EHMT2: variants seen among roughly 807,000 people sequenced by gnomAD.
EHMT2 encodes the protein euchromatic histone lysine methyltransferase 2.
In EHMT2, 59 loss-of-function variants were observed where a neutral mutation model predicts 143.3. The observed-to-expected ratio is 0.41, with a 90% CI of 0.33 to 0.51. The LOEUF is 0.51. EHMT2 is among the 20% of genes least tolerant of loss of function. The pLI is 0.18. For synonymous variants in EHMT2, 604 were observed against 651.5 expected, an observed-to-expected ratio of 0.93 and a Z score of 1.11; for missense variants, 1,174 against 1,645.9, an observed-to-expected ratio of 0.71 and a Z score of 4.96.
At position 31,897,625 on chromosome 6, in the gene EHMT2, C is replaced by A; in HGVS notation, c.42+11G>T. On this transcript the variant is annotated intron_variant, in intron 1 of 27. Transcript: ENST00000375537. ...GGGCATGCACCCGCCTCTCCCCCTCCCCTTCCGCACCTCGGCGGCCGCCGC... is the reference window on the plus strand; with the variant it reads ...GGGCATGCACCCGCCTCTCCCCCTCACCTTCCGCACCTCGGCGGCCGCCGC... 1.7e-6 allele frequency: 2 copies of A among 1,151,084 alleles called. No individual in the cohort carries two copies. Among genetic ancestry groups the A allele is most frequent in the Non-Finnish European group, 2.1e-6 (2 of 936,142 alleles). 71.3% of individuals were successfully genotyped at this position (1,151,084 alleles called of 1,614,324 possible).
Position 31,887,117 on chromosome 6 carries a change from G to A in EHMT2, c.2012-16C>T, listed in dbSNP as rs745548037. The A allele has an allele frequency of 8.8e-6, 14 of 1,582,904 alleles. No individual in the cohort carries two copies. Among genetic ancestry groups the A allele is most frequent in the South Asian group, 5.7e-5 (5 of 87,858 alleles). Reference sequence around the variant, plus strand: ...AGGTTGTCCACTGCGGGGAGAGCCCGCCACACCGGGAGAGGGAGGGACAAG... The same window carrying A: ...AGGTTGTCCACTGCGGGGAGAGCCCACCACACCGGGAGAGGGAGGGACAAG... On this transcript the variant is annotated splice_polypyrimidine_tract_variant and intron_variant, in intron 15 of 27. Transcript: ENST00000375537.
chr6:31,897,415 A>C (rs1581977742), intron 1 of EHMT2, among the ~76,000 whole-genome samples: 1 of 134,378 alleles, frequency 7.4e-6, no homozygotes. Flanking sequence ...CCCGTCGCCC[A>C]CTCAGGGGCA....
chr6:31,884,568 G>A lies in EHMT2; in HGVS notation c.2604-9C>T, dbSNP rs527962675. On this transcript the variant is annotated splice_polypyrimidine_tract_variant and intron_variant, in intron 20 of 27. Transcript: ENST00000375537. This position sits in a 1 kb window ranked among gnomAD's most constrained non-coding sequence, Gnocchi z 7.3. ...CACGTGACAGGAATAACCTGAAGAGGGGACAGGATGCCCAATGCAGGGTCT... is the reference window on the plus strand; with the variant it reads ...CACGTGACAGGAATAACCTGAAGAGAGGACAGGATGCCCAATGCAGGGTCT... The A allele has an allele frequency of 5.6e-6, 9 of 1,612,570 alleles. No individual in the cohort carries two copies. The South Asian group carries it at 6.6e-5, about 12-fold the overall frequency.
At chr6:31,897,318 C>A in intron 1 of EHMT2, 1 of 544,042 alleles carries the variant, frequency 1.8e-6, no homozygotes, top group Non-Finnish European at 2.8e-6. Context: ...GCGGGGACCC[C>A]GGGCACCAAC....
Position 31,888,283 on chromosome 6 carries a change from G to C in EHMT2, c.1510-7C>G, listed in dbSNP as rs749937246. 4 of 1,612,636 alleles carry C rather than the reference G, an allele frequency of 2.5e-6. No individual in the cohort carries two copies. The highest frequency in any genetic ancestry group is 3.4e-6 in the Non-Finnish European group (4 of 1,179,744). On this transcript the variant is annotated splice_region_variant and splice_polypyrimidine_tract_variant and intron_variant, in intron 12 of 27. Coordinates refer to ENST00000375537, the Ensembl canonical transcript of EHMT2. This position sits in a 1 kb window ranked among gnomAD's most constrained non-coding sequence, Gnocchi z 7.4. ...GGCACTCCAGGAAGGTGCCCTGGGAGCAGGGAAACGACATGGTCAGGTTAC... is the reference window on the plus strand; with the variant it reads ...GGCACTCCAGGAAGGTGCCCTGGGACCAGGGAAACGACATGGTCAGGTTAC...
chr6:31,894,333 G>A (rs1204892121), intron 4 of EHMT2, among the ~76,000 whole-genome samples: 1 of 152,156 alleles, frequency 6.6e-6, no homozygotes, highest in Non-Finnish European at 1.5e-5. Flanking sequence ...TTTTAATAGA[G>A]ATGGGGTTTC....
In EHMT2 at chr6:31,888,948, G is replaced by T; in HGVS notation, c.1216+21C>A. On this transcript the variant is annotated intron_variant, in intron 10 of 27. Transcript: ENST00000375537. The surrounding 1 kb of genome is among the most constrained non-coding windows in gnomAD (Gnocchi z 7.4). ...TGAGGTCGCCCCCTAGTGGCTCCCT[G>T]TCCCGGCAATTGGCAATTACCAGCG... The T allele has an allele frequency of 6.3e-7, 1 of 1,584,246 alleles. No individual in the cohort carries two copies.
intron 7 of EHMT2, among the ~76,000 whole-genome samples, chr6:31,891,364 CG>C (rs1765662450): frequency 1.3e-5 from 2 of 152,068 alleles, no homozygotes; most frequent in African/African-American, 2.4e-5. Context: ...ATTAAGAAAT[CG>C]GTAAGTTTTT....
At position 31,883,417 on chromosome 6, in the gene EHMT2, C is replaced by G. The variant is rs1764374703; in HGVS notation, c.2939G>C (p.Cys980Ser). 6.2e-7 allele frequency: 1 copy of G among 1,612,780 alleles called. No homozygotes were observed. Among genetic ancestry groups the G allele is most frequent in the Non-Finnish European group, 8.5e-7 (1 of 1,179,946 alleles). Residue 980 changes from cysteine (C) to serine (S), a missense_variant, in exon 23 of 28, where the codon TGC (cysteine) becomes TCC (serine). This residue lies in a region of EHMT2 where 78 missense variants were observed against 144.0 expected (regional missense o/e 0.54). Coordinates refer to ENST00000375537, the Ensembl canonical transcript of EHMT2. This position sits in a 1 kb window ranked among gnomAD's most constrained non-coding sequence, Gnocchi z 5.6. The stretch of plus-strand genomic sequence containing the variant: ...GCCGCACAGGCAGTTGGAGCTAGAG[C>G]AGTCGTCCACACACGTGCAGTGCTG...
In EHMT2 at chr6:31,883,553, A is replaced by G; in HGVS notation, c.2917-114T>C. On this transcript the variant is annotated intron_variant, in intron 22 of 27. Transcript: ENST00000375537. The surrounding 1 kb of genome is among the most constrained non-coding windows in gnomAD (Gnocchi z 5.6). ...CTTTCTTTGGGGTCCATGTGTTACA[A>G]CAGTGGGTGGTGATGGTCCTAGGGT... 1 of 1,178,080 alleles carries G rather than the reference A, an allele frequency of 8.5e-7. No individual in the cohort carries two copies. Among genetic ancestry groups the G allele is most frequent in the Non-Finnish European group, 1.2e-6 (1 of 811,510 alleles). The allele number at this position is 1,178,080 out of a possible 1,614,324, so 73.0% of individuals were successfully genotyped here. A position where few individuals can be genotyped will look rare whatever the true frequency, so the allele number is the denominator to read the frequency against.
chr6:31,879,859 G>T (rs41267086), exon 28 of EHMT2: 44 of 556,420 alleles, frequency 7.9e-5, no homozygotes, highest in Admixed American at 2.7e-4. Flanking sequence ...GGGAACACGG[G>T]GGGTGGCCAG....
chr6:31,892,931 C>A, intron 4 of EHMT2, 21 bp from the exon 5 acceptor site: 2 of 1,527,462 alleles, frequency 1.3e-6, no homozygotes, highest in Non-Finnish European at 1.8e-6. Context: ...AGAGGGAGCA[C>A]ACTGAGGGTC....
In EHMT2 at chr6:31,886,766, C is replaced by T. The variant is rs7743807; in HGVS notation, c.2241+9G>A. On this transcript the variant is annotated intron_variant, in intron 17 of 27. Transcript: ENST00000375537. ...TCCGGGGGCCACGCCCTGCTGCCTG[C>T]GCGCACACCTTGCTATAGACACAGC... The T allele has an allele frequency of 0.043, 69,800 of 1,614,166 alleles. 1,941 individuals are homozygous for T. Among genetic ancestry groups the T allele is most frequent in the African/African-American group, 0.095 (7,141 of 75,048 alleles).
At chr6:31,882,423 T>G (rs1268065132) in intron 25 of EHMT2, among the ~76,000 whole-genome samples, 22 of 116,252 alleles carry the variant, frequency 1.9e-4, no homozygotes, top group Admixed American at 3.7e-4. Context: ...GAGGAGGGGG[T>G]GGAGGGGAAG....
At chr6:31,896,630 G>A in exon 3 of EHMT2, 2 of 1,586,216 alleles carry the variant, frequency 1.3e-6, no homozygotes, top group Non-Finnish European at 1.7e-6. Context: ...CCCCCACGGA[G>A]GTCCCCATCT....
At chr6:31,893,186 T>C (rs961886723) in intron 4 of EHMT2, 8 of 525,516 alleles carry the variant, frequency 1.5e-5, no homozygotes, top group South Asian at 5.3e-5. Flanking sequence ...AGACCTTTTA[T>C]ATGTGGCCAT....
intron 25 of EHMT2, 91 bp downstream of exon 25, chr6:31,882,608 T>G (rs1764255480): frequency 7.9e-7 from 1 of 1,262,854 alleles, no homozygotes; most frequent in South Asian, 1.3e-5. Context: ...ATGTGACTCA[T>G]CAGGGCAGAT....
chr6:31,880,001 G>A lies in EHMT2; in HGVS notation c.*83C>T. ...GGGAGAGAAGATGGCAGCACCCCCA[G>A]GCATGGGCTGCGAGCAGCTGGTGGC... On this transcript the variant is annotated 3_prime_UTR_variant, in exon 28 of 28. Coordinates refer to ENST00000375537, the Ensembl canonical transcript of EHMT2. This position sits in a 1 kb window ranked among gnomAD's most constrained non-coding sequence, Gnocchi z 6.6. 1 of 1,484,782 alleles carries A rather than the reference G, an allele frequency of 6.7e-7. No individual in the cohort carries two copies. The highest frequency in any genetic ancestry group is 2.3e-5 in the East Asian group (1 of 42,994). The allele number at this position is 1,484,782 out of a possible 1,614,324, so 92.0% of individuals were successfully genotyped here.
chr6:31,896,337 C>T (rs1319481856), exon 4 of EHMT2: 1 of 1,612,986 alleles, frequency 6.2e-7, no homozygotes. Context: ...CTCGTGGTGG[C>T]TGGAGGGGGT....
Sources: gnomAD v4.1 joint callset for allele counts (sites outside exome capture counted in the v4.1 genomes callset) on GRCh38, gnomAD v4.1.1 for gene constraint, gnomAD v4.1.1 regional missense constraint, Gnocchi (gnomAD v3.1) non-coding constraint, MANE v1.5 for transcripts, NCBI Gene and HGNC (gene_info 2026-07-23, HGNC 2026-07-21) for gene names.